The following CTNNA2 variants were observed in gnomAD, a reference collection of about 807,000 sequenced individuals.
The protein encoded by CTNNA2 is catenin alpha-2.
Under a neutral mutation model 101.0 loss-of-function variants are expected in CTNNA2, and 42 were observed. The observed-to-expected ratio is 0.42, with a 90% CI of 0.32 to 0.54. The LOEUF (loss-of-function observed/expected upper bound fraction) is 0.54, where lower values mean the gene tolerates loss of function less well. Among genes scored for constraint, CTNNA2 ranks in the 20% least tolerant of loss-of-function variants. The pLI is 0.14. For missense variants in CTNNA2, 871 were observed against 1,223.1 expected (o/e 0.71, Z 4.29); for synonymous variants, 450 against 456.4 (o/e 0.99, Z 0.18).
intron 2 of CTNNA2, among the ~76,000 whole-genome samples, chr2:79,703,399 T>C (rs534247217): frequency 1.3e-5 from 2 of 152,318 alleles, no homozygotes; most frequent in Admixed American, 1.3e-4. Flanking sequence ...CTCTTAAGTG[T>C]TAGCATTTCT....
At chr2:79,402,030 A>T (rs1222053640) in intron 4 of CTNNA2, among the ~76,000 whole-genome samples, 4 of 151,696 alleles carry the variant, frequency 2.6e-5, no homozygotes, top group Non-Finnish European at 4.4e-5. Context: ...CATCAGACAA[A>T]ATATACTTTA....
At chr2:79,584,346 A>G (rs1461313448) in intron 1 of CTNNA2, among the ~76,000 whole-genome samples, 1 of 152,108 alleles carries the variant, frequency 6.6e-6, no homozygotes, top group African/African-American at 2.4e-5. Flanking sequence ...AGCCATAATT[A>G]ATGGGTAGTT....
chr2:80,257,240 T>C (rs542701717), intron 7 of CTNNA2, among the ~76,000 whole-genome samples: 2 of 151,782 alleles, frequency 1.3e-5, no homozygotes, highest in East Asian at 3.9e-4. Flanking sequence ...ATGTAAAATA[T>C]ATGTATATAA....
chr2:80,310,859 G>T (rs1199694575), intron 7 of CTNNA2, among the ~76,000 whole-genome samples: 1 of 151,744 alleles, frequency 6.6e-6, no homozygotes, highest in Non-Finnish European at 1.5e-5. Context: ...TGTAATCCCA[G>T]CTACTTGGGA....
chr2:79,582,307 T>A (rs1310527273), intron 1 of CTNNA2, among the ~76,000 whole-genome samples: 1 of 152,248 alleles, frequency 6.6e-6, no homozygotes, highest in Non-Finnish European at 1.5e-5. Flanking sequence ...ATTTTAAATG[T>A]GTTCAAACGT....
chr2:80,108,121 T>A (rs1244666314), intron 7 of CTNNA2, among the ~76,000 whole-genome samples: 3 of 152,180 alleles, frequency 2.0e-5, no homozygotes, highest in African/African-American at 7.2e-5. Flanking sequence ...GTTTTCATTT[T>A]AATGAGAATC....
intron 3 of CTNNA2, among the ~76,000 whole-genome samples, chr2:79,352,732 G>A (rs1231013102): frequency 2.6e-5 from 4 of 152,004 alleles, no homozygotes; most frequent in African/African-American, 4.8e-5. Context: ...AAAGTGTTTA[G>A]TACTATAAAC....
intron 4 of CTNNA2, among the ~76,000 whole-genome samples, chr2:79,502,220 G>A (rs1461193300): frequency 6.6e-6 from 1 of 152,126 alleles, no homozygotes; most frequent in Non-Finnish European, 1.5e-5. Flanking sequence ...TGGAGAATAT[G>A]TGTGGGAAAG....
chr2:80,414,379 T>G (rs1679857202), intron 8 of CTNNA2, among the ~76,000 whole-genome samples: 1 of 152,214 alleles, frequency 6.6e-6, no homozygotes, highest in Non-Finnish European at 1.5e-5. Context: ...TTCTTATAAA[T>G]GTATCTCTAT....
intron 2 of CTNNA2, among the ~76,000 whole-genome samples, chr2:79,710,605 T>A (rs139568263): frequency 1.3e-5 from 2 of 152,310 alleles, no homozygotes; most frequent in East Asian, 3.9e-4. Flanking sequence ...ATTACCTCAA[T>A]TCTTTTTAAT....
chr2:80,043,040 C>CTTCTTTCTTTCTTTCT (rs1173555945), intron 7 of CTNNA2, among the ~76,000 whole-genome samples: 3 of 52,742 alleles, frequency 5.7e-5, no homozygotes, highest in East Asian at 1.2e-3. Context: ...TCTTTCTTTC[C>CTTCTTTCTTTCTTTCT]TTCTTTCTTT....
intron 7 of CTNNA2, among the ~76,000 whole-genome samples, chr2:80,387,859 T>C (rs2149359085): frequency 6.6e-6 from 1 of 152,270 alleles, no homozygotes; most frequent in South Asian, 2.1e-4. Context: ...TAAACATGCA[T>C]CTCCCTAGCA....
At chr2:80,644,603 GATCTAA>G (rs1298589027) in intron 18 of CTNNA2, among the ~76,000 whole-genome samples, 1 of 152,172 alleles carries the variant, frequency 6.6e-6, no homozygotes, top group Non-Finnish European at 1.5e-5. Flanking sequence ...TGCTGATAAT[GATCTAA>G]ATCATGAAAG....
intron 18 of CTNNA2, among the ~76,000 whole-genome samples, chr2:80,636,651 T>C (rs1672913349): frequency 6.6e-6 from 1 of 152,144 alleles, no homozygotes; most frequent in Non-Finnish European, 1.5e-5. Flanking sequence ...ATAGCTGGAA[T>C]TTGGGGAATT....
At chr2:79,240,848 A>G (rs1194408136) in intron 2 of CTNNA2, among the ~76,000 whole-genome samples, 4 of 152,100 alleles carry the variant, frequency 2.6e-5, no homozygotes, top group Non-Finnish European at 5.9e-5. Flanking sequence ...CAAGAAGATG[A>G]CACTGTGGGC....
intron 7 of CTNNA2, among the ~76,000 whole-genome samples, chr2:80,387,513 T>A (rs955094796): frequency 1.2e-4 from 19 of 152,152 alleles, no homozygotes; most frequent in African/African-American, 4.6e-4. Context: ...GGGCCTTTAT[T>A]TTGCAAAGGG....
chr2:79,791,077 G>A (rs1443647878), intron 3 of CTNNA2, among the ~76,000 whole-genome samples: 1 of 152,176 alleles, frequency 6.6e-6, no homozygotes, highest in African/African-American at 2.4e-5. Flanking sequence ...TACAAAGTAT[G>A]AATAGATTGG....
intron 7 of CTNNA2, among the ~76,000 whole-genome samples, chr2:80,007,110 A>G (rs1457864102): frequency 2.6e-5 from 4 of 152,260 alleles, no homozygotes; most frequent in Middle Eastern, 3.4e-3. Flanking sequence ...GCCTGAATTC[A>G]TATGTCAGTT....
intron 1 of CTNNA2, among the ~76,000 whole-genome samples, chr2:79,589,932 C>T (rs752179498): frequency 6.6e-6 from 1 of 152,110 alleles, no homozygotes; most frequent in Non-Finnish European, 1.5e-5. Context: ...CTTGGAGCTC[C>T]CTCTTCTAGG....
Sources: allele counts gnomAD v4.1 joint callset (sites outside exome capture counted in the v4.1 genomes callset), GRCh38; gene constraint gnomAD v4.1.1; transcripts MANE v1.5; gene names NCBI Gene and HGNC (gene_info 2026-07-23, HGNC 2026-07-21).